Variants in CACNA2D3 observed in about 807,000 individuals in gnomAD.
The protein encoded by CACNA2D3 is calcium voltage-gated channel auxiliary subunit alpha2delta 3, also known as voltage-dependent calcium channel subunit alpha-2/delta-3.
A neutral mutation model predicts 160.6 loss-of-function variants in CACNA2D3; 60 were observed. The observed-to-expected ratio is 0.37, with a 90% CI of 0.30 to 0.46. The LOEUF (loss-of-function observed/expected upper bound fraction) is 0.46. CACNA2D3 is among the 20% of genes least tolerant of loss of function. CACNA2D3 has a pLI of 1.00. For missense variants in CACNA2D3, 1,205 were observed against 1,365.0 expected, an observed-to-expected ratio of 0.88 and a Z score of 1.85; for synonymous variants, 558 against 492.9, an observed-to-expected ratio of 1.13 and a Z score of -1.75.
intron 3 of CACNA2D3, among the ~76,000 whole-genome samples, chr3:54,340,757 C>A (rs2107525415): frequency 6.6e-6 from 1 of 152,318 alleles, no homozygotes; most frequent in Non-Finnish European, 1.5e-5. Flanking sequence ...TGTACAGCAT[C>A]CACTATTCTA....
intron 35 of CACNA2D3, among the ~76,000 whole-genome samples, chr3:55,049,482 T>C (rs358463): frequency 0.028 from 3,667 of 131,386 alleles, 168 homozygotes; most frequent in African/African-American, 0.1. Flanking sequence ...TTGTTATAAT[T>C]TCTGTTCTTT....
chr3:54,806,738 A>G (rs905555930), intron 13 of CACNA2D3, among the ~76,000 whole-genome samples: 8 of 152,268 alleles, frequency 5.3e-5, no homozygotes, highest in Non-Finnish European at 7.3e-5. Context: ...AAGAGCCCGC[A>G]TCGCCAAGTC....
intron 11 of CACNA2D3, among the ~76,000 whole-genome samples, chr3:54,713,060 C>T (rs1397864156): frequency 1.3e-5 from 2 of 152,312 alleles, no homozygotes; most frequent in East Asian, 3.9e-4. Context: ...GGTGAGAAGA[C>T]TCCTGTAATG....
Position 54,653,876 on chromosome 3 carries a change from G to C in CACNA2D3, c.1167+11635G>C, listed in dbSNP as rs980699945. On this transcript the variant is annotated intron_variant, in intron 11 of 37. Transcript: ENST00000474759. ...GGGAGGACAGTGTACATTCTCTCCA[G>C]GTGACCTCCACCATCCTCTAGTAAA... Among the ~76,000 whole-genome samples, 12 of 152,242 alleles carry C rather than the reference G, an allele frequency of 7.9e-5. No individual in the cohort carries two copies. The East Asian group carries it at 2.1e-3, about 27-fold the overall frequency.
chr3:54,152,575 G>A lies in CACNA2D3; in HGVS notation c.204+28981G>A, dbSNP rs557899731. On this transcript the variant is annotated intron_variant, in intron 2 of 37. Transcript: ENST00000474759. The stretch of plus-strand genomic sequence containing the variant: ...TGGCCCAGGGAGCAGTGGCCTGGGC[G>A]ATGGACGCACTGAGTGGTAAGTGAA... Among the ~76,000 whole-genome samples the A allele has an allele frequency of 1.4e-3, 218 of 152,292 alleles. 2 individuals carry two copies. Among genetic ancestry groups the A allele is most frequent in the African/African-American group, 4.9e-3 (205 of 41,568 alleles).
chr3:54,259,682 A>C (rs568541277), intron 2 of CACNA2D3, among the ~76,000 whole-genome samples: 2 of 152,336 alleles, frequency 1.3e-5, no homozygotes, highest in South Asian at 4.1e-4. Flanking sequence ...GATCCCCTTA[A>C]GTAACTTTTA....
chr3:54,526,727 G>T (rs1281397487), intron 5 of CACNA2D3, among the ~76,000 whole-genome samples: 1 of 152,134 alleles, frequency 6.6e-6, no homozygotes, highest in Non-Finnish European at 1.5e-5. Flanking sequence ...GTCTTGCTCT[G>T]TTGCCCTGGC....
At chr3:54,739,513 A>G (rs2107037359) in intron 11 of CACNA2D3, among the ~76,000 whole-genome samples, 1 of 151,872 alleles carries the variant, frequency 6.6e-6, no homozygotes, top group Non-Finnish European at 1.5e-5. Flanking sequence ...GGTTATTTCT[A>G]GGAACAAACA....
intron 2 of CACNA2D3, among the ~76,000 whole-genome samples, chr3:54,167,653 C>T (rs572522127): frequency 7.2e-5 from 11 of 152,134 alleles, no homozygotes; most frequent in Non-Finnish European, 1.2e-4. Flanking sequence ...TCTTGTTTAC[C>T]ACCTTCATTA....
At chr3:54,695,654 C>G (rs1041001368) in intron 11 of CACNA2D3, among the ~76,000 whole-genome samples, 5 of 152,144 alleles carry the variant, frequency 3.3e-5, no homozygotes, top group African/African-American at 1.2e-4. Context: ...TAAATGCAAC[C>G]TCTTCTTAAT....
chr3:54,518,045 C>A lies in CACNA2D3; in HGVS notation c.544+14391C>A, dbSNP rs558871546. Among the ~76,000 whole-genome samples the A allele has an allele frequency of 4.0e-3, 609 of 152,272 alleles. 5 individuals carry two copies. Among genetic ancestry groups the A allele is most frequent in the Middle Eastern group, 6.8e-3 (2 of 294 alleles). ...TTTCCAACAAAGCACAGTGGGCTCC[C>A]ATAAGTATCGTGAATGGAATATTTT... On this transcript the variant is annotated intron_variant, in intron 5 of 37. Coordinates refer to ENST00000474759, the MANE Select transcript of CACNA2D3 (RefSeq NM_018398.3).
At chr3:54,264,245 G>T (rs973175831) in intron 2 of CACNA2D3, among the ~76,000 whole-genome samples, 11 of 152,096 alleles carry the variant, frequency 7.2e-5, no homozygotes, top group Non-Finnish European at 2.9e-5. Context: ...TCCTGTCCTT[G>T]TATCACTTCT....
intron 27 of CACNA2D3, among the ~76,000 whole-genome samples, chr3:54,967,334 A>G (rs1702177016): frequency 6.6e-6 from 1 of 152,138 alleles, no homozygotes; most frequent in African/African-American, 2.4e-5. Flanking sequence ...GATTACCCAA[A>G]TGGGAGGTCC....
At chr3:54,196,443 A>C (rs925102141) in intron 2 of CACNA2D3, among the ~76,000 whole-genome samples, 2 of 152,158 alleles carry the variant, frequency 1.3e-5, no homozygotes, top group African/African-American at 4.8e-5. Context: ...CGTTAAGTTA[A>C]AACTTGAGTC....
chr3:54,206,589 T>G (rs889369700), intron 2 of CACNA2D3, among the ~76,000 whole-genome samples: 8 of 152,152 alleles, frequency 5.3e-5, no homozygotes, highest in Admixed American at 2.6e-4. Context: ...AGGGTGAGGC[T>G]AATGCTAAGC....
At chr3:54,626,325 T>C in intron 9 of CACNA2D3, 1 of 1,553,502 alleles carries the variant, frequency 6.4e-7, no homozygotes, top group Admixed American at 1.9e-5. Context: ...CGCTGTACAG[T>C]GCGCGCCAGC....
intron 2 of CACNA2D3, among the ~76,000 whole-genome samples, chr3:54,256,119 A>G (rs572233996): frequency 6.6e-6 from 1 of 152,336 alleles, no homozygotes; most frequent in South Asian, 2.1e-4. Flanking sequence ...GGATCTTGGA[A>G]AGGGAAGGTC....
At chr3:54,439,333 T>TGTGTGTGTGTGTGTG (rs869041749) in intron 4 of CACNA2D3, among the ~76,000 whole-genome samples, 86 of 147,966 alleles carry the variant, frequency 5.8e-4, no homozygotes, top group Non-Finnish European at 8.2e-4. Context: ...GTGTGTGTGT[T>TGTGTGTGTGTGTGTG]TGTGTGTGAA....
In CACNA2D3 at chr3:54,481,546, G is replaced by A. The variant is rs117881291; in HGVS notation, c.382-21946G>A. ...TGTGAAATGATTGGTAACTGTGCTCGGTTCTTCCACAGCTATTTGTTCTTG... is the reference window on the plus strand; with the variant it reads ...TGTGAAATGATTGGTAACTGTGCTCAGTTCTTCCACAGCTATTTGTTCTTG... On this transcript the variant is annotated intron_variant, in intron 4 of 37. Coordinates refer to ENST00000474759, the MANE Select transcript of CACNA2D3 (RefSeq NM_018398.3). Among the ~76,000 whole-genome samples, 23 of 152,276 alleles carry A rather than the reference G, an allele frequency of 1.5e-4. No homozygotes were observed. In the East Asian group the frequency reaches 4.1e-3, roughly 27 times the overall value.
Sources: allele counts gnomAD v4.1 joint callset (sites outside exome capture counted in the v4.1 genomes callset), GRCh38; gene constraint gnomAD v4.1.1; transcripts MANE v1.5; gene names NCBI Gene and HGNC (gene_info 2026-07-23, HGNC 2026-07-21).